VPS4A: variants seen among roughly 807,000 people sequenced by gnomAD.
VPS4A encodes vacuolar protein sorting-associated protein 4A.
Under a neutral mutation model 52.3 loss-of-function variants are expected in VPS4A, and 20 were observed. That is an observed-to-expected ratio of 0.38 (90% confidence interval 0.27 to 0.56). The LOEUF is 0.56. Among genes scored for constraint, VPS4A ranks in the 20% least tolerant of loss-of-function variants. VPS4A has a pLI of 0.72. For synonymous variants in VPS4A, 293 were observed against 227.7 expected (o/e 1.29, Z -2.58); for missense variants, 419 against 575.9 (o/e 0.73, Z 2.79).
In VPS4A at chr16:69,321,084, G is replaced by A. The variant is rs1231976476; in HGVS notation, c.885G>A (p.Glu295=). Residue 295 remains glutamate, a synonymous_variant, in exon 9 of 11, where the codon GAG becomes GAA. Coordinates refer to ENST00000254950, the MANE Select transcript of VPS4A (RefSeq NM_013245.3). This position sits in a 1 kb window ranked among gnomAD's most constrained non-coding sequence, Gnocchi z 4.5. Reference sequence around the variant, plus strand: ...AACGAATTTATATCCCCTTGCCGGAGGAAGCTGCCCGCGCCCAGATGTTCC... The same window carrying A: ...AACGAATTTATATCCCCTTGCCGGAAGAAGCTGCCCGCGCCCAGATGTTCC... ...FEKRIYIPLP[E]EAARAQMFRL... is the part of the protein sequence containing the mutation. 1 of 1,595,208 alleles carries A rather than the reference G, an allele frequency of 6.3e-7. No homozygotes were observed. The highest frequency in any genetic ancestry group is 8.5e-7 in the Non-Finnish European group (1 of 1,170,902).
chr16:69,322,717 G>T lies in VPS4A; in HGVS notation c.1212+17G>T, dbSNP rs1370290944. On this transcript the variant is annotated intron_variant, in intron 10 of 10. Coordinates refer to ENST00000254950, the MANE Select transcript of VPS4A (RefSeq NM_013245.3). ...GTTTGCATGGTAAGTGACTTGACAG[G>T]GGAGGGAAGAGGGCTGCACAGAGCC... 6.2e-7 allele frequency: 1 copy of T among 1,610,194 alleles called. No homozygotes were observed. The highest frequency in any genetic ancestry group is 1.7e-5 in the Admixed American group (1 of 59,666).
chr16:69,318,228 C>T lies in VPS4A; in HGVS notation c.282-422C>T, dbSNP rs1207732207. On this transcript the variant is annotated intron_variant, in intron 3 of 10. Coordinates refer to ENST00000254950, the MANE Select transcript of VPS4A (RefSeq NM_013245.3). ...GCTCAAGCGATCCTCCCGCCTCAGC[C>T]TCCCAGAGTGCTGGGATTACAGGGG... 5.9e-5 allele frequency among the ~76,000 whole-genome samples: 9 copies of T among 152,342 alleles called. No individual in the cohort carries two copies. The East Asian group carries it at 1.5e-3, about 26-fold the overall frequency.
intron 1 of VPS4A, 112 bp downstream of exon 1, chr16:69,311,644 G>A (rs1015423984): frequency 1.8e-6 from 2 of 1,097,582 alleles, no homozygotes; most frequent in African/African-American, 1.7e-5. Context: ...CCCCGGCCTC[G>A]CGACCCCGCT....
chr16:69,317,259 G>A (rs1462835854), intron 3 of VPS4A, among the ~76,000 whole-genome samples: 7 of 151,998 alleles, frequency 4.6e-5, no homozygotes, highest in Non-Finnish European at 7.4e-5. Context: ...CAGTGGCTGC[G>A]TTCTCCCCAG....
intron 3 of VPS4A, among the ~76,000 whole-genome samples, chr16:69,318,305 A>G: frequency 6.6e-6 from 1 of 152,142 alleles, no homozygotes; most frequent in African/African-American, 2.4e-5. Flanking sequence ...GTGGCCTCCC[A>G]GAGTATGAGG....
Position 69,318,925 on chromosome 16 carries a change from T to G in VPS4A, c.446T>G (p.Phe149Cys). Residue 149 changes from phenylalanine (F) to cysteine (C), a missense_variant, in exon 5 of 11, where the codon TTC becomes TGC. Physicochemically the swap from Phe to Cys is radical, Grantham distance 205. Coordinates refer to ENST00000254950, the MANE Select transcript of VPS4A (RefSeq NM_013245.3). ...GAAGCTGTCATTTTGCCAATCAAAT[T>G]CCCACACTTGTTCACAGGTGAGAGT... ...LKEAVILPIKFPHLFTGKRTP... is the reference protein window; with the variant it reads ...LKEAVILPIKCPHLFTGKRTP... The G allele has an allele frequency of 6.2e-7, 1 of 1,613,444 alleles. No individual in the cohort carries two copies. Among genetic ancestry groups the G allele is most frequent in the Non-Finnish European group, 8.5e-7 (1 of 1,179,776 alleles).
chr16:69,313,829 A>G (rs750577362), intron 1 of VPS4A, among the ~76,000 whole-genome samples: 1 of 151,900 alleles, frequency 6.6e-6, no homozygotes, highest in Non-Finnish European at 1.5e-5. Context: ...CTTTTCTTTC[A>G]TCCTCATCTT....
At chr16:69,318,967 C>G in intron 5 of VPS4A, 25 bp downstream of exon 5, 4 of 1,605,604 alleles carry the variant, frequency 2.5e-6, no homozygotes, top group African/African-American at 2.7e-5. Context: ...ATTTCAAACC[C>G]CAATGTAAAA....
At position 69,326,036 on chromosome 16, in the gene VPS4A, A is replaced by C. The variant is rs973978345; in HGVS notation, c.*1727A>C. The C allele has an allele frequency of 9.8e-5, 15 of 152,360 alleles. No individual in the cohort carries two copies. Among genetic ancestry groups the C allele is most frequent in the African/African-American group, 3.1e-4 (13 of 41,476 alleles). 9.4% of individuals were successfully genotyped at this position (152,360 alleles called of 1,614,324 possible). On this transcript the variant is annotated 3_prime_UTR_variant, in exon 11 of 11. Transcript: ENST00000254950. ...TGTCCCACGTTTACCCCATGCATAT[A>C]AACAGACCAAAGTCAAAGCACATTC...
At position 69,318,662 on chromosome 16, in the gene VPS4A, C is replaced by G. The variant is rs1451042598; in HGVS notation, c.294C>G (p.Asp98Glu). 2 of 1,611,220 alleles carry G rather than the reference C, an allele frequency of 1.2e-6. No homozygotes were observed. The highest frequency in any genetic ancestry group is 1.7e-6 in the Non-Finnish European group (2 of 1,178,514). ...NQSEGKGSDSDSEGDNPEKKK... is the reference protein window; with the variant it reads ...NQSEGKGSDSESEGDNPEKKK... ...TCTCCCTTCCCAGCAGTGACAGTGA[C>G]AGTGAAGGGGATAATCCGGAGAAAA... The change falls in exon 4 of 11, where the codon GAC becomes GAG. Residue 98 changes from aspartate to glutamate, a missense_variant. Physicochemically the swap from Asp to Glu is conservative, Grantham distance 45. Coordinates refer to ENST00000254950, the MANE Select transcript of VPS4A (RefSeq NM_013245.3).
Position 69,320,186 on chromosome 16 carries a change from C to T in VPS4A, c.666C>T (p.Ser222=), listed in dbSNP as rs775736739. 6.2e-7 allele frequency: 1 copy of T among 1,613,804 alleles called. No homozygotes were observed. The highest frequency in any genetic ancestry group is 1.3e-5 in the African/African-American group (1 of 74,934). The change falls in exon 7 of 11, where the codon TCC becomes TCT. Residue 222 remains serine (S), a synonymous_variant. Transcript: ENST00000254950. The surrounding 1 kb of genome is among the most constrained non-coding windows in gnomAD (Gnocchi z 4.2). ...LFELARQHKP[S]IIFIDEVDSL... ...AGCTGGCCAGGCAGCACAAGCCCTCCATCATCTTCATCGATGAGGTGGATT... is the reference window on the plus strand; with the variant it reads ...AGCTGGCCAGGCAGCACAAGCCCTCTATCATCTTCATCGATGAGGTGGATT...
At chr16:69,318,183 G>C (rs994281016) in intron 3 of VPS4A, among the ~76,000 whole-genome samples, 1 of 152,112 alleles carries the variant, frequency 6.6e-6, no homozygotes, top group Non-Finnish European at 1.5e-5. Flanking sequence ...CTGTTTCCCA[G>C]GCTGGTCTCA....
Position 69,321,309 on chromosome 16 carries a change from T to TAAGA in VPS4A, c.1071+40_1071+43dup. Reference sequence around the variant, plus strand: ...GCCACTGCTGAGAAAAATCTCATAGTAAGAGCGGGATGTTCGGTTTTTTTT... The same window carrying TAAGA: ...GCCACTGCTGAGAAAAATCTCATAGTAAGAAAGAGCGGGATGTTCGGTTTTTTTT... On this transcript the variant is annotated intron_variant, in intron 9 of 10. Transcript: ENST00000254950. The surrounding 1 kb of genome is among the most constrained non-coding windows in gnomAD (Gnocchi z 4.5). 2 of 1,537,852 alleles carry TAAGA rather than the reference T, an allele frequency of 1.3e-6. No homozygotes were observed. Among genetic ancestry groups the TAAGA allele is most frequent in the Non-Finnish European group, 1.8e-6 (2 of 1,138,546 alleles).
rs1415322997 is a variant in VPS4A, at chr16:69,325,320, A to C, written c.*1011A>C. 6.6e-6 allele frequency: 1 copy of C among 152,250 alleles called. No individual in the cohort carries two copies. The allele number at this position is 152,250 out of a possible 1,614,324, so 9.4% of individuals were successfully genotyped here. Reference sequence around the variant, plus strand: ...AGACTGCAAAGTGGGAGCCCTGCGTACCAGACCCGTCCTGCAGCTGTGTTT... The same window carrying C: ...AGACTGCAAAGTGGGAGCCCTGCGTCCCAGACCCGTCCTGCAGCTGTGTTT... On this transcript the variant is annotated 3_prime_UTR_variant, in exon 11 of 11. Coordinates refer to ENST00000254950, the MANE Select transcript of VPS4A (RefSeq NM_013245.3).
intron 5 of VPS4A, 125 bp downstream of exon 5, chr16:69,319,067 T>G: frequency 7.4e-7 from 1 of 1,358,946 alleles, no homozygotes; most frequent in Non-Finnish European, 1.0e-6. Flanking sequence ...CAGGCCTGGC[T>G]GCTCGCTGGT....
intron 3 of VPS4A, among the ~76,000 whole-genome samples, chr16:69,317,609 C>T (rs1287490650): frequency 7.9e-5 from 12 of 152,216 alleles, no homozygotes; most frequent in East Asian, 7.7e-4. Context: ...CTGGCTAACA[C>T]GGTGAAACCC....
At chr16:69,318,027 C>T (rs1376974667) in intron 3 of VPS4A, among the ~76,000 whole-genome samples, 3 of 149,228 alleles carry the variant, frequency 2.0e-5, no homozygotes, top group African/African-American at 5.0e-5. Flanking sequence ...TTTTTTTCCC[C>T]CAGACAGGGC....
At chr16:69,316,729 G>A (rs1965441743) in intron 3 of VPS4A, among the ~76,000 whole-genome samples, 1 of 152,230 alleles carries the variant, frequency 6.6e-6, no homozygotes, top group Non-Finnish European at 1.5e-5. Flanking sequence ...TTGCCACAGG[G>A]AGCAGTGAGA....
chr16:69,311,555 A>T, intron 1 of VPS4A, 23 bp downstream of exon 1: 1 of 1,303,990 alleles, frequency 7.7e-7, no homozygotes, highest in Non-Finnish European at 9.9e-7. Flanking sequence ...GCCCGGCCCG[A>T]CTTCGGAGGC....
Sources: allele counts gnomAD v4.1 joint callset (sites outside exome capture counted in the v4.1 genomes callset), GRCh38; gene constraint gnomAD v4.1.1; non-coding constraint Gnocchi (gnomAD v3.1); transcripts MANE v1.5; gene names NCBI Gene and HGNC (gene_info 2026-07-23, HGNC 2026-07-21).